ASIC2: variants seen among roughly 807,000 people sequenced by gnomAD.
ASIC2 encodes the protein acid-sensing ion channel 2.
In ASIC2, 25 loss-of-function variants were observed where a neutral mutation model predicts 57.3. The observed-to-expected ratio is 0.44, with a 90% CI of 0.32 to 0.61. The LOEUF (loss-of-function observed/expected upper bound fraction) is 0.61. ASIC2 is among the 20% of genes least tolerant of loss of function. The pLI is 0.06. For synonymous variants in ASIC2, 319 were observed against 307.5 expected (o/e 1.04, Z -0.39); for missense variants, 641 against 738.1 (o/e 0.87, Z 1.52).
chr17:34,090,342 C>G (rs1482582016), intron 1 of ASIC2, among the ~76,000 whole-genome samples: 11 of 152,124 alleles, frequency 7.2e-5, no homozygotes. Flanking sequence ...AATGAAGGAA[C>G]TTTTCCAAGG....
chr17:33,493,689 A>G (rs1438971948), intron 1 of ASIC2, among the ~76,000 whole-genome samples: 2 of 152,052 alleles, frequency 1.3e-5, no homozygotes, highest in African/African-American at 4.8e-5. Context: ...GAGAACCCAG[A>G]ATCGGTCTGC....
In ASIC2 at chr17:33,882,205, G is replaced by A. The variant is rs1282760753; in HGVS notation, c.555+273773C>T. Among the ~76,000 whole-genome samples the A allele has an allele frequency of 4.6e-5, 7 of 152,284 alleles. No individual in the cohort carries two copies. The East Asian group carries it at 1.4e-3, about 29-fold the overall frequency. On this transcript the variant is annotated intron_variant, in intron 1 of 9. Coordinates refer to the ASIC2 transcript ENST00000359872. ...CATTCGGGACATAGGCATGGGCAAG[G>A]ACTTCATGTCTAAAACACCAAAAGC... is the stretch of plus-strand genomic sequence containing the variant.
intron 1 of ASIC2, among the ~76,000 whole-genome samples, chr17:33,879,625 A>C (rs1450453668): frequency 6.6e-6 from 1 of 152,188 alleles, no homozygotes; most frequent in Non-Finnish European, 1.5e-5. Flanking sequence ...GAGACCTACA[A>C]AGAGACTTAG....
intron 1 of ASIC2, among the ~76,000 whole-genome samples, chr17:34,147,215 C>T (rs1212092834): frequency 6.6e-6 from 1 of 152,134 alleles, no homozygotes; most frequent in Non-Finnish European, 1.5e-5. Context: ...TAGAAACCAC[C>T]TAATTCCACC....
In ASIC2 at chr17:33,729,667, A is replaced by T. The variant is rs369303385; in HGVS notation, c.555+426311T>A. 3.9e-4 allele frequency among the ~76,000 whole-genome samples: 60 copies of T among 152,292 alleles called. No individual in the cohort carries two copies. The East Asian group carries it at 0.011, about 27-fold the overall frequency. ...ATTCCTTAAACTGCTTTTGCTTTAAATTCCCCATCCATAAAATGAGACTAA... is the reference window on the plus strand; with the variant it reads ...ATTCCTTAAACTGCTTTTGCTTTAATTTCCCCATCCATAAAATGAGACTAA... On this transcript the variant is annotated intron_variant, in intron 1 of 9. Coordinates refer to the ASIC2 transcript ENST00000359872.
intron 1 of ASIC2, among the ~76,000 whole-genome samples, chr17:33,640,222 G>C (rs1906515108): frequency 1.3e-5 from 2 of 152,136 alleles, no homozygotes; most frequent in Non-Finnish European, 2.9e-5. Flanking sequence ...AGAGAGAGGA[G>C]AGAGAAAAGC....
intron 1 of ASIC2, chr17:33,827,776 T>C (rs1379228393): frequency 6.6e-6 from 1 of 152,224 alleles, no homozygotes; most frequent in East Asian, 1.9e-4. Flanking sequence ...GTTACACAGA[T>C]ATACATGTAC....
intron 1 of ASIC2, among the ~76,000 whole-genome samples, chr17:33,850,565 C>T (rs888330786): frequency 2.0e-5 from 3 of 152,116 alleles, no homozygotes; most frequent in Non-Finnish European, 4.4e-5. Context: ...AGTTGATCTG[C>T]TTGGTTTGAC....
intron 1 of ASIC2, among the ~76,000 whole-genome samples, chr17:33,215,293 A>T (rs1196288487): frequency 6.6e-6 from 1 of 152,238 alleles, no homozygotes; most frequent in Non-Finnish European, 1.5e-5. Flanking sequence ...CAAATGCCTT[A>T]AAAATGTTCC....
rs920770370 is a variant in ASIC2, at chr17:33,768,946, C to T, written c.555+387032G>A. On this transcript the variant is annotated intron_variant, in intron 1 of 9. Transcript: ENST00000359872. Reference sequence around the variant, plus strand: ...CCTCTCCTCTGAGAGCTGTTTTCATCACTCAATGAAATTCCCCACCCTCCA... The same window carrying T: ...CCTCTCCTCTGAGAGCTGTTTTCATTACTCAATGAAATTCCCCACCCTCCA... Among the ~76,000 whole-genome samples the T allele has an allele frequency of 3.3e-5, 5 of 152,164 alleles. No individual in the cohort carries two copies. The East Asian group carries it at 7.7e-4, about 23-fold the overall frequency.
At chr17:34,034,409 T>C (rs1907768493) in intron 1 of ASIC2, among the ~76,000 whole-genome samples, 1 of 152,228 alleles carries the variant, frequency 6.6e-6, no homozygotes, top group African/African-American at 2.4e-5. Context: ...AATATCATAC[T>C]GAATGGGCAA....
At chr17:33,377,460 T>A (rs1183350341) in intron 1 of ASIC2, among the ~76,000 whole-genome samples, 2 of 152,198 alleles carry the variant, frequency 1.3e-5, no homozygotes, top group African/African-American at 4.8e-5. Flanking sequence ...TAAACCTAGC[T>A]CTCACTGGCT....
chr17:33,529,262 C>T (rs969663059), intron 1 of ASIC2, among the ~76,000 whole-genome samples: 1 of 152,196 alleles, frequency 6.6e-6, no homozygotes, highest in Non-Finnish European at 1.5e-5. Flanking sequence ...GCCCGAGCCC[C>T]ACTTCACTCC....
intron 1 of ASIC2, among the ~76,000 whole-genome samples, chr17:33,659,599 G>A (rs190571354): frequency 1.3e-4 from 20 of 152,100 alleles, no homozygotes; most frequent in Admixed American, 2.6e-4. Flanking sequence ...GGCGGGGCGC[G>A]GTGGCTCACG....
rs140168294 is a variant in ASIC2 at position 33,706,342 on chromosome 17, C to T, written c.555+449636G>A. Among the ~76,000 whole-genome samples the T allele has an allele frequency of 4.4e-3, 668 of 151,934 alleles. 3 individuals are homozygous for T. The highest frequency in any genetic ancestry group is 0.016 in the African/African-American group (649 of 41,470). ...TCAAGCCATCCTCCCACCTCAGCCT[C>T]CCCAGTAGCTGGGACTGCAGGTATG... On this transcript the variant is annotated intron_variant, in intron 1 of 9. Transcript: ENST00000359872.
chr17:33,508,362 T>C (rs1047932193), intron 1 of ASIC2, among the ~76,000 whole-genome samples: 1 of 152,198 alleles, frequency 6.6e-6, no homozygotes. Flanking sequence ...TCAAGTGTAC[T>C]AACAGGAATC....
chr17:33,751,777 C>T (rs1910440665), intron 1 of ASIC2, among the ~76,000 whole-genome samples: 1 of 152,010 alleles, frequency 6.6e-6, no homozygotes, highest in Non-Finnish European at 1.5e-5. Context: ...ACAATTACTC[C>T]AGCTGATGGA....
chr17:33,754,535 G>C (rs756356173), intron 1 of ASIC2, among the ~76,000 whole-genome samples: 3 of 152,122 alleles, frequency 2.0e-5, no homozygotes, highest in Non-Finnish European at 4.4e-5. Flanking sequence ...AACTCTGAAA[G>C]GTGAAGACTA....
intron 3 of ASIC2, among the ~76,000 whole-genome samples, chr17:33,079,149 G>A (rs1275359713): frequency 6.6e-6 from 1 of 152,176 alleles, no homozygotes; most frequent in Non-Finnish European, 1.5e-5. Flanking sequence ...TGAACATCTT[G>A]TATATGTAAG....
Sources: gnomAD v4.1 joint callset for allele counts (sites outside exome capture counted in the v4.1 genomes callset) on GRCh38, gnomAD v4.1.1 for gene constraint, MANE v1.5 for transcripts, NCBI Gene and HGNC (gene_info 2026-07-23, HGNC 2026-07-21) for gene names.